Variants in NRXN3 observed in about 807,000 individuals in gnomAD.
NRXN3 encodes neurexin 3.
NRXN3 carries 32 observed loss-of-function variants against 137.6 expected under a neutral mutation model. The ratio of observed to expected loss-of-function variants is 0.23; its 90% CI spans 0.18 to 0.31. NRXN3 has a LOEUF of 0.31. NRXN3 is among the 10% of genes least tolerant of loss of function. The probability of loss-of-function intolerance (pLI) is 1.00; values close to 1 mark genes in which losing one functional copy is unlikely to be tolerated. For missense variants in NRXN3, 1,574 were observed against 2,062.5 expected, an observed-to-expected ratio of 0.76 and a Z score of 4.59; for synonymous variants, 798 against 784.5, an observed-to-expected ratio of 1.02 and a Z score of -0.29.
At chr14:78,802,386 G>A (rs375445624) in intron 8 of NRXN3, among the ~76,000 whole-genome samples, 53 of 152,264 alleles carry the variant, frequency 3.5e-4, no homozygotes, top group African/African-American at 1.2e-3. Flanking sequence ...CCTGTTGTGG[G>A]GTGGCGGGAG....
intron 15 of NRXN3, chr14:79,201,475 T>C (rs951222473): frequency 1.3e-5 from 2 of 152,194 alleles, no homozygotes; most frequent in African/African-American, 4.8e-5. Flanking sequence ...GGATATGATA[T>C]TTTATTTATT....
intron 15 of NRXN3, among the ~76,000 whole-genome samples, chr14:79,297,394 C>A (rs1158705862): frequency 2.0e-5 from 3 of 152,052 alleles, no homozygotes; most frequent in African/African-American, 7.2e-5. Flanking sequence ...TTGGAATATA[C>A]TTATAATTTA....
intron 17 of NRXN3, among the ~76,000 whole-genome samples, chr14:79,678,395 T>C (rs938574424): frequency 6.6e-6 from 1 of 152,168 alleles, no homozygotes; most frequent in Non-Finnish European, 1.5e-5. Flanking sequence ...TGGTAGAAAC[T>C]GAATAATAGG....
chr14:79,510,675 A>T (rs2096924193), intron 16 of NRXN3, among the ~76,000 whole-genome samples: 1 of 152,182 alleles, frequency 6.6e-6, no homozygotes, highest in Admixed American at 6.5e-5. Context: ...CATCTTTGAA[A>T]TACCCAGAAG....
At chr14:78,420,036 A>G (rs1358152347) in intron 4 of NRXN3, among the ~76,000 whole-genome samples, 1 of 151,946 alleles carries the variant, frequency 6.6e-6, no homozygotes, top group Non-Finnish European at 1.5e-5. Context: ...TTGGGGGAAG[A>G]AGGGATGCCT....
intron 15 of NRXN3, among the ~76,000 whole-genome samples, chr14:79,181,172 G>C (rs978046853): frequency 6.6e-5 from 10 of 151,668 alleles, no homozygotes; most frequent in Non-Finnish European, 1.5e-4. Flanking sequence ...TGGAAGACTG[G>C]GTCAAATCTG....
intron 4 of NRXN3, among the ~76,000 whole-genome samples, chr14:78,525,926 C>A (rs1246967703): frequency 6.6e-6 from 1 of 152,130 alleles, no homozygotes; most frequent in African/African-American, 2.4e-5. Context: ...TCTTCTGGTT[C>A]TGTTTTAGTG....
chr14:79,130,477 T>C (rs1422229518), intron 15 of NRXN3, among the ~76,000 whole-genome samples: 3 of 152,046 alleles, frequency 2.0e-5, no homozygotes, highest in South Asian at 2.1e-4. Flanking sequence ...GGTTGAAAAT[T>C]CTTTTCTTTA....
Position 78,868,574 on chromosome 14 carries a change from C to G in NRXN3, c.2275+58230C>G, listed in dbSNP as rs557726734. 2.0e-5 allele frequency among the ~76,000 whole-genome samples: 3 copies of G among 152,214 alleles called. No individual in the cohort carries two copies. The South Asian group carries it at 6.2e-4, about 32-fold the overall frequency. Reference sequence around the variant, plus strand: ...GTGGCTCACGTCTGTAATCTCAGCACTTTGGGAGGCCGAGGTGGGTGGATC... The same window carrying G: ...GTGGCTCACGTCTGTAATCTCAGCAGTTTGGGAGGCCGAGGTGGGTGGATC... On this transcript the variant is annotated intron_variant, in intron 10 of 20. Transcript: ENST00000335750.
chr14:79,409,865 A>G (rs2095388230), intron 15 of NRXN3, among the ~76,000 whole-genome samples: 1 of 151,716 alleles, frequency 6.6e-6, no homozygotes, highest in African/African-American at 2.4e-5. Flanking sequence ...TTTTGAAATC[A>G]CAAGGTTCTC....
At chr14:79,038,276 G>C (rs1219472393) in intron 15 of NRXN3, among the ~76,000 whole-genome samples, 1 of 151,870 alleles carries the variant, frequency 6.6e-6, no homozygotes, top group Non-Finnish European at 1.5e-5. Context: ...ATAAAAATGT[G>C]GAATGAAAAG....
chr14:79,375,328 A>G (rs75516444), intron 15 of NRXN3, among the ~76,000 whole-genome samples: 1,993 of 150,838 alleles, frequency 0.013, 48 homozygotes, highest in African/African-American at 0.046. Flanking sequence ...ATAGAACAAA[A>G]TTTGGAATAA....
chr14:79,615,088 GC>G (rs2098140937), intron 16 of NRXN3, among the ~76,000 whole-genome samples: 1 of 152,120 alleles, frequency 6.6e-6, no homozygotes, highest in South Asian at 2.1e-4. Flanking sequence ...CTATCATAGT[GC>G]TTTACCTAAA....
intron 4 of NRXN3, among the ~76,000 whole-genome samples, chr14:78,503,004 T>C (rs756003721): frequency 2.0e-5 from 3 of 152,192 alleles, no homozygotes; most frequent in Non-Finnish European, 4.4e-5. Flanking sequence ...AAATTTTGTG[T>C]TAGAGGAGTG....
At chr14:78,763,534 A>G (rs1237667383) in intron 8 of NRXN3, among the ~76,000 whole-genome samples, 1 of 151,974 alleles carries the variant, frequency 6.6e-6, no homozygotes, top group East Asian at 1.9e-4. Flanking sequence ...TTATAGCTAA[A>G]TACCAAGCAC....
intron 15 of NRXN3, among the ~76,000 whole-genome samples, chr14:79,112,040 A>G (rs1368238883): frequency 6.6e-6 from 1 of 152,238 alleles, no homozygotes; most frequent in Non-Finnish European, 1.5e-5. Flanking sequence ...AATATCCACA[A>G]AACCTAATAT....
intron 10 of NRXN3, among the ~76,000 whole-genome samples, chr14:78,835,642 T>C (rs1243992204): frequency 1.3e-5 from 2 of 152,182 alleles, no homozygotes; most frequent in South Asian, 4.1e-4. Context: ...GTTTATTATA[T>C]ACATAGGCTT....
intron 1 of NRXN3, among the ~76,000 whole-genome samples, chr14:78,226,057 G>A (rs1215973006): frequency 6.6e-6 from 1 of 150,878 alleles, no homozygotes; most frequent in Non-Finnish European, 1.5e-5. Flanking sequence ...AGGCTAGAAT[G>A]CAGTGGCCTG....
chr14:78,428,809 C>T (rs776049313), intron 4 of NRXN3, among the ~76,000 whole-genome samples: 1 of 152,150 alleles, frequency 6.6e-6, no homozygotes, highest in Non-Finnish European at 1.5e-5. Context: ...CTATTCTGCT[C>T]TTCACCCAAT....
Sources: gnomAD v4.1 joint callset for allele counts (sites outside exome capture counted in the v4.1 genomes callset) on GRCh38, gnomAD v4.1.1 for gene constraint, MANE v1.5 for transcripts, NCBI Gene and HGNC (gene_info 2026-07-23, HGNC 2026-07-21) for gene names.